Variants in MYORG observed in about 807,000 individuals in gnomAD.
MYORG encodes myogenesis regulating glycosidase, also known as alpha-galactosidase MYORG.
Under a neutral mutation model 49.8 loss-of-function variants are expected in MYORG, and 45 were observed. That is an observed-to-expected ratio of 0.90 (90% CI 0.71 to 1.16). The LOEUF (loss-of-function observed/expected upper bound fraction) is 1.16. Ranked by LOEUF, MYORG falls within the 50% of genes most tolerant of loss-of-function variation. The pLI is 0.00. For synonymous variants in MYORG, 552 were observed against 462.9 expected (o/e 1.19, Z -2.47); for missense variants, 1,110 against 1,026.5 (o/e 1.08, Z -1.11).
Position 34,372,755 on chromosome 9 carries a change from C to T in MYORG, c.189G>A (p.Leu63=). The change falls in exon 2 of 2, where the codon CTG becomes CTA. Residue 63 remains leucine, a synonymous_variant. Coordinates refer to ENST00000297625, the MANE Select transcript of MYORG (RefSeq NM_020702.5). ...DLKPLLGSAV[L]GLLLVLAAVV... ...CCGCGGCCAGCACAAGCAGCAGCCCCAGAACCGCGGAGCCCAGCAGCGGCT... is the reference window on the plus strand; with the variant it reads ...CCGCGGCCAGCACAAGCAGCAGCCCTAGAACCGCGGAGCCCAGCAGCGGCT... The T allele has an allele frequency of 6.2e-7, 1 of 1,613,856 alleles. No individual in the cohort carries two copies. Among genetic ancestry groups the T allele is most frequent in the Non-Finnish European group, 8.5e-7 (1 of 1,179,812 alleles).
In MYORG at chr9:34,372,834, G is replaced by A. The variant is rs1047756929; in HGVS notation, c.110C>T (p.Thr37Ile). 6.2e-7 allele frequency: 1 copy of A among 1,613,944 alleles called. No individual in the cohort carries two copies. Among genetic ancestry groups the A allele is most frequent in the African/African-American group, 1.3e-5 (1 of 74,948 alleles). Residue 37 changes from threonine to isoleucine, a missense_variant, in exon 2 of 2, where the codon ACC becomes ATC. Physicochemically the swap from Thr to Ile is moderately conservative, Grantham distance 89 (BLOSUM62 -1). Coordinates refer to ENST00000297625, the MANE Select transcript of MYORG (RefSeq NM_020702.5). Reference sequence around the variant, plus strand: ...AGGTGAGAAGTTGTCGGGCAGGAAGGTGTACATAGCTGCGGCTGCGATGGC... The same window carrying A: ...AGGTGAGAAGTTGTCGGGCAGGAAGATGTACATAGCTGCGGCTGCGATGGC... ...PEAIAAAAMYTFLPDNFSPAK... is the reference protein window; with the variant it reads ...PEAIAAAAMYIFLPDNFSPAK...
chr9:34,374,267 T>C (rs1362244334), intron 1 of MYORG, among the ~76,000 whole-genome samples: 1 of 152,202 alleles, frequency 6.6e-6, no homozygotes, highest in Admixed American at 6.5e-5. Context: ...ACCATAGTGA[T>C]CTTTCTAAAG....
Position 34,371,171 on chromosome 9 carries a change from G to T in MYORG, c.1773C>A (p.Ile591=), listed in dbSNP as rs746997535. 5 of 1,610,476 alleles carry T rather than the reference G, an allele frequency of 3.1e-6. No individual in the cohort carries two copies. The highest frequency in any genetic ancestry group is 1.3e-5 in the African/African-American group (1 of 74,884). Residue 591 remains isoleucine, a synonymous_variant, in exon 2 of 2, where the codon ATC becomes ATA. Transcript: ENST00000297625. ...CTTCCGCGTCGTAGCGCCAGGGCGG[G>T]ATAGAGAACTGCATGGCCGGCATAA... ...AAFMPAMQFS[I]PPWRYDAEVV...
rs1820590080 is a variant in MYORG at position 34,371,270 on chromosome 9, G to A, written c.1674C>T (p.Ala558=). 2 of 1,609,030 alleles carry A rather than the reference G, an allele frequency of 1.2e-6. No homozygotes were observed. Among genetic ancestry groups the A allele is most frequent in the Non-Finnish European group, 1.7e-6 (2 of 1,178,166 alleles). ...FILPDMVGGN[A]VPQRTAGGDV... is the part of the protein sequence containing the mutation. ...CGCCGCCGGCTGTCCGCTGGGGCAC[G>A]GCGTTGCCGCCCACCATATCGGGTA... is the stretch of plus-strand genomic sequence containing the variant. The change falls in exon 2 of 2, where the codon GCC becomes GCT. Residue 558 remains alanine (A), a synonymous_variant. Coordinates refer to ENST00000297625, the MANE Select transcript of MYORG (RefSeq NM_020702.5).
chr9:34,371,846 A>C lies in MYORG; in HGVS notation c.1098T>G (p.Asp366Glu), dbSNP rs767437127. 633 of 1,613,938 alleles carry C rather than the reference A, an allele frequency of 3.9e-4. No individual in the cohort carries two copies. Among genetic ancestry groups the C allele is most frequent in the Non-Finnish European group, 4.9e-4 (584 of 1,179,896 alleles). ...CGCTGGCGTTGGGGAATTTGACCTC[A>C]TCGAAGTCGAAGTCGCCATAAGCAG... ...YTPAYGDFDF[D>E]EVKFPNASDM... is the part of the protein sequence containing the mutation. Residue 366 changes from aspartate (D) to glutamate (E), a missense_variant, in exon 2 of 2, where the codon GAT (aspartate) becomes GAG (glutamate). Coordinates refer to ENST00000297625, the MANE Select transcript of MYORG (RefSeq NM_020702.5).
In MYORG at chr9:34,366,670, A is replaced by G. The variant is rs1225621991; in HGVS notation, c.*4129T>C. 6.6e-6 allele frequency: 1 copy of G among 152,206 alleles called. No homozygotes were observed. The highest frequency in any genetic ancestry group is 1.5e-5 in the Non-Finnish European group (1 of 68,038). The allele number at this position is 152,206 out of a possible 1,614,324, so 9.4% of individuals were successfully genotyped here. A position where few individuals can be genotyped will look rare whatever the true frequency, so the allele number is the denominator to read the frequency against. ...TTTAATCAATAAAACAAGAAATAGT[A>G]TTATAATAGCTACCATTTATTGAGC... On this transcript the variant is annotated 3_prime_UTR_variant, in exon 2 of 2. Transcript: ENST00000297625.
rs376623594 is a variant in MYORG, at chr9:34,371,190, G to T, written c.1754C>A (p.Pro585Gln). ...GGGCGGGATAGAGAACTGCATGGCC[G>T]GCATAAAGGCGGCCACTTCCAGCCA... ...IRWLEVAAFM[P>Q]AMQFSIPPWR... The change falls in exon 2 of 2, where the codon CCG becomes CAG. Residue 585 changes from proline (P) to glutamine (Q), a missense_variant. Pro to Gln is a moderately conservative substitution (Grantham distance 76, BLOSUM62 -1). Transcript: ENST00000297625. The T allele has an allele frequency of 2.5e-6, 4 of 1,609,986 alleles. No homozygotes were observed. Among genetic ancestry groups the T allele is most frequent in the Non-Finnish European group, 3.4e-6 (4 of 1,178,042 alleles).
At position 34,372,910 on chromosome 9, in the gene MYORG, A is replaced by AG; in HGVS notation, c.33dup (p.Tyr12LeufsTer112). ...CAGCCAGGCCGGCGGCGGCGGGGGT[A>AG]GGCCTGGCTCTTCTCCTGAGGGTTC... On this transcript the variant is annotated frameshift_variant, in exon 2 of 2. Coordinates refer to ENST00000297625, the MANE Select transcript of MYORG (RefSeq NM_020702.5). LOFTEE classifies it high-confidence loss of function. The AG allele has an allele frequency of 6.2e-7, 1 of 1,613,836 alleles. No homozygotes were observed. The highest frequency in any genetic ancestry group is 8.5e-7 in the Non-Finnish European group (1 of 1,179,866).
Position 34,372,336 on chromosome 9 carries a change from T to C in MYORG, c.608A>G (p.Gln203Arg). Reference sequence around the variant, plus strand: ...GGTGACGAACGGCTGGGGCTCCTGCTGGCCATCCAGGCGGATGGGCCAGTG... The same window carrying C: ...GGTGACGAACGGCTGGGGCTCCTGCCGGCCATCCAGGCGGATGGGCCAGTG... ...TQHWPIRLDG[Q>R]QEPQPFVTSD... Residue 203 changes from glutamine to arginine, a missense_variant, in exon 2 of 2, where the codon CAG becomes CGG. Coordinates refer to ENST00000297625, the MANE Select transcript of MYORG (RefSeq NM_020702.5). The C allele has an allele frequency of 2.5e-6, 4 of 1,603,674 alleles. No homozygotes were observed. Among genetic ancestry groups the C allele is most frequent in the African/African-American group, 2.7e-5 (2 of 74,842 alleles).
chr9:34,374,210 C>T (rs947945110), intron 1 of MYORG, among the ~76,000 whole-genome samples: 1 of 152,214 alleles, frequency 6.6e-6, no homozygotes, highest in Non-Finnish European at 1.5e-5. Flanking sequence ...CCCAACAGGC[C>T]TCTCTGACTC....
rs1820568186 is a variant in MYORG at position 34,370,326 on chromosome 9, CT to C, written c.*472del. On this transcript the variant is annotated 3_prime_UTR_variant, in exon 2 of 2. Transcript: ENST00000297625. ...GTGCTGGGGACTCAGGGCCTGGCTT[CT>C]AACACTAAGAAAACACACGTTCTAA... The C allele has an allele frequency of 6.4e-6, 1 of 155,458 alleles. No individual in the cohort carries two copies. Among genetic ancestry groups the C allele is most frequent in the Non-Finnish European group, 1.4e-5 (1 of 70,098 alleles). 9.6% of individuals were successfully genotyped at this position (155,458 alleles called of 1,614,324 possible). A position where few individuals can be genotyped will look rare whatever the true frequency, so the allele number is the denominator to read the frequency against.
chr9:34,371,844 T>A lies in MYORG; in HGVS notation c.1100A>T (p.Glu367Val), dbSNP rs1293748671. 6 of 1,613,958 alleles carry A rather than the reference T, an allele frequency of 3.7e-6. No homozygotes were observed. Among genetic ancestry groups the A allele is most frequent in the Non-Finnish European group, 5.1e-6 (6 of 1,179,898 alleles). ...GTCGCTGGCGTTGGGGAATTTGACCTCATCGAAGTCGAAGTCGCCATAAGC... is the reference window on the plus strand; with the variant it reads ...GTCGCTGGCGTTGGGGAATTTGACCACATCGAAGTCGAAGTCGCCATAAGC... ...TPAYGDFDFD[E>V]VKFPNASDMF... Residue 367 changes from glutamate to valine, a missense_variant, in exon 2 of 2, where the codon GAG becomes GTG. Transcript: ENST00000297625.
chr9:34,371,803 G>A lies in MYORG; in HGVS notation c.1141C>T (p.Arg381Cys). ...AGCGTGACGCGGAAGCCGGCGTCGC[G>A]CAGGCGGCGGAACATGTCGCTGGCG... Reference protein sequence around the residue: ...PNASDMFRRLRDAGFRVTLWV... With the variant: ...PNASDMFRRLCDAGFRVTLWV... Residue 381 changes from arginine (R) to cysteine (C), a missense_variant, in exon 2 of 2, where the codon CGC becomes TGC. Physicochemically the swap from Arg to Cys is radical, Grantham distance 180 (BLOSUM62 -3). Coordinates refer to ENST00000297625, the MANE Select transcript of MYORG (RefSeq NM_020702.5). 6.2e-7 allele frequency: 1 copy of A among 1,613,986 alleles called. No homozygotes were observed. The highest frequency in any genetic ancestry group is 8.5e-7 in the Non-Finnish European group (1 of 1,179,836).
At chr9:34,373,124 T>C in intron 1 of MYORG, 118 bp from the exon 2 acceptor site, 2 of 728,954 alleles carry the variant, frequency 2.7e-6, no homozygotes, top group Non-Finnish European at 4.4e-6. Context: ...ACCTGAGGGC[T>C]TGAAGAGTGG....
chr9:34,370,667 T>G lies in MYORG; in HGVS notation c.*132A>C. ...ACCTTCAGCAGCTGGTTCCAGCACATTTAAGTCAGCAGCCACTTAATGGGT... is the reference window on the plus strand; with the variant it reads ...ACCTTCAGCAGCTGGTTCCAGCACAGTTAAGTCAGCAGCCACTTAATGGGT... On this transcript the variant is annotated 3_prime_UTR_variant, in exon 2 of 2. Transcript: ENST00000297625. 7.0e-7 allele frequency: 1 copy of G among 1,420,918 alleles called. No homozygotes were observed. Among genetic ancestry groups the G allele is most frequent in the Non-Finnish European group, 9.3e-7 (1 of 1,078,222 alleles). The allele number at this position is 1,420,918 out of a possible 1,614,324, so 88.0% of individuals were successfully genotyped here. A position where few individuals can be genotyped will look rare whatever the true frequency, so the allele number is the denominator to read the frequency against.
At position 34,372,680 on chromosome 9, in the gene MYORG, A is replaced by T. The variant is rs1309098950; in HGVS notation, c.264T>A (p.Leu88=). 4.3e-6 allele frequency: 7 copies of T among 1,609,684 alleles called. No individual in the cohort carries two copies. The Admixed American group carries it at 8.4e-5, about 19-fold the overall frequency. The part of the protein sequence containing the change: ...YSVSLRKAER[L]RAELLDLKAG... Reference sequence around the variant, plus strand: ...CTTTCAGGTCCAGCAGCTCCGCGCGAAGTCGCTCCGCCTTGCGTAGGGAGA... The same window carrying T: ...CTTTCAGGTCCAGCAGCTCCGCGCGTAGTCGCTCCGCCTTGCGTAGGGAGA... Residue 88 remains leucine, a synonymous_variant, in exon 2 of 2, where the codon CTT becomes CTA. Transcript: ENST00000297625.
At position 34,370,958 on chromosome 9, in the gene MYORG, C is replaced by A; in HGVS notation, c.1986G>T (p.Val662=). The A allele has an allele frequency of 6.2e-7, 1 of 1,613,540 alleles. No individual in the cohort carries two copies. The highest frequency in any genetic ancestry group is 1.1e-5 in the South Asian group (1 of 91,086). ...SQFLIGDTLL[V]APVLEPGKQE... is the part of the protein sequence containing the mutation. ...GCTTGCCTGGCTCCAGCACCGGGGC[C>A]ACAAGCAGCGTGTCCCCAATAAGGA... Residue 662 remains valine (V), a synonymous_variant, in exon 2 of 2, where the codon GTG becomes GTT. Coordinates refer to ENST00000297625, the MANE Select transcript of MYORG (RefSeq NM_020702.5).
In MYORG at chr9:34,371,871, G is replaced by A. The variant is rs780425226; in HGVS notation, c.1073C>T (p.Pro358Leu). Residue 358 changes from proline (P) to leucine (L), a missense_variant, in exon 2 of 2, where the codon CCT becomes CTT. Coordinates refer to ENST00000297625, the MANE Select transcript of MYORG (RefSeq NM_020702.5). ...SHLEIDDMYTPAYGDFDFDEV... is the reference protein window; with the variant it reads ...SHLEIDDMYTLAYGDFDFDEV... The stretch of plus-strand genomic sequence containing the variant: ...ATCGAAGTCGAAGTCGCCATAAGCA[G>A]GTGTGTACATGTCGTCGATTTCCAG... 23 of 1,613,976 alleles carry A rather than the reference G, an allele frequency of 1.4e-5. No homozygotes were observed. Among genetic ancestry groups the A allele is most frequent in the Non-Finnish European group, 1.9e-5 (22 of 1,179,912 alleles).
Position 34,371,854 on chromosome 9 carries a change from C to A in MYORG, c.1090G>T (p.Asp364Tyr). Residue 364 changes from aspartate to tyrosine, a missense_variant, in exon 2 of 2, where the codon GAC becomes TAC. Physicochemically the swap from Asp to Tyr is radical, Grantham distance 160. Transcript: ENST00000297625. ...TTGGGGAATTTGACCTCATCGAAGT[C>A]GAAGTCGCCATAAGCAGGTGTGTAC... ...DMYTPAYGDFDFDEVKFPNAS... is the reference protein window; with the variant it reads ...DMYTPAYGDFYFDEVKFPNAS... The A allele has an allele frequency of 6.2e-7, 1 of 1,614,050 alleles. No homozygotes were observed. Among genetic ancestry groups the A allele is most frequent in the South Asian group, 1.1e-5 (1 of 91,076 alleles).
Sources: allele counts gnomAD v4.1 joint callset (sites outside exome capture counted in the v4.1 genomes callset), GRCh38; gene constraint gnomAD v4.1.1; transcripts MANE v1.5; gene names NCBI Gene and HGNC (gene_info 2026-07-23, HGNC 2026-07-21).